The following RAPGEF4 variants were observed in gnomAD, a reference collection of about 807,000 sequenced individuals.
The protein encoded by RAPGEF4 is RAP guanine-nucleotide-exchange factor (GEF) 4.
RAPGEF4 carries 66 observed loss-of-function variants against 147.9 expected under a neutral mutation model. The ratio of observed to expected loss-of-function variants is 0.45; its 90% CI spans 0.37 to 0.55. The LOEUF (loss-of-function observed/expected upper bound fraction) is 0.55. Among genes scored for constraint, RAPGEF4 ranks in the 20% least tolerant of loss-of-function variants. RAPGEF4 has a pLI of 0.00. For missense variants in RAPGEF4, 1,071 were observed against 1,257.3 expected (o/e 0.85, Z 2.24); for synonymous variants, 419 against 442.7 (o/e 0.95, Z 0.67).
intron 1 of RAPGEF4, among the ~76,000 whole-genome samples, chr2:172,783,231 G>T (rs1397356941): frequency 6.6e-6 from 1 of 152,162 alleles, no homozygotes; most frequent in Non-Finnish European, 1.5e-5. Context: ...GACAGAGTGA[G>T]GACAGAGTGG....
chr2:172,854,125 T>C lies in RAPGEF4; in HGVS notation c.444+39700T>C, dbSNP rs188647076. 4.7e-3 allele frequency among the ~76,000 whole-genome samples: 713 copies of C among 152,196 alleles called. 4 individuals carry two copies. Among genetic ancestry groups the C allele is most frequent in the Non-Finnish European group, 7.7e-3 (525 of 67,936 alleles). ...ATTAGGTCAATGTAGTTGGTAGTGATGTTCAGGTCTTATATGTCCCCACTG... is the reference window on the plus strand; with the variant it reads ...ATTAGGTCAATGTAGTTGGTAGTGACGTTCAGGTCTTATATGTCCCCACTG... On this transcript the variant is annotated intron_variant, in intron 4 of 30. Coordinates refer to ENST00000397081, the MANE Select transcript of RAPGEF4 (RefSeq NM_007023.4).
Position 172,988,647 on chromosome 2 carries a change from C to T in RAPGEF4, c.1228-46C>T, listed in dbSNP as rs1187564774. On this transcript the variant is annotated intron_variant, in intron 13 of 30. Coordinates refer to ENST00000397081, the MANE Select transcript of RAPGEF4 (RefSeq NM_007023.4). The stretch of plus-strand genomic sequence containing the variant: ...TGTGGCAGGAGGTGGTGGGTGTTTG[C>T]TCTATTTCAGGGATCTTCTTCATCT... 20 of 1,565,372 alleles carry T rather than the reference C, an allele frequency of 1.3e-5. 1 individual carries two copies. In the Admixed American group the frequency reaches 3.2e-4, roughly 25 times the overall value.
intron 4 of RAPGEF4, among the ~76,000 whole-genome samples, chr2:172,845,114 G>C (rs1021570044): frequency 6.6e-6 from 1 of 152,182 alleles, no homozygotes; most frequent in Non-Finnish European, 1.5e-5. Flanking sequence ...AAGTGTCACT[G>C]ACTGTAGTGA....
chr2:172,909,168 C>A (rs1267145010), intron 4 of RAPGEF4, among the ~76,000 whole-genome samples: 3 of 152,132 alleles, frequency 2.0e-5, no homozygotes, highest in Non-Finnish European at 4.4e-5. Context: ...ACCCACCTCT[C>A]GGAAGGGCCT....
At chr2:172,836,765 T>C (rs575115482) in intron 4 of RAPGEF4, among the ~76,000 whole-genome samples, 1 of 152,352 alleles carries the variant, frequency 6.6e-6, no homozygotes, top group South Asian at 2.1e-4. Context: ...GTGGCTAGCA[T>C]CCTCAACACT....
At chr2:172,984,496 A>G (rs1287978133) in intron 11 of RAPGEF4, among the ~76,000 whole-genome samples, 2 of 152,182 alleles carry the variant, frequency 1.3e-5, no homozygotes, top group African/African-American at 2.4e-5. Flanking sequence ...TCCTTCACAT[A>G]TCTCCCACCT....
intron 4 of RAPGEF4, among the ~76,000 whole-genome samples, chr2:172,917,291 T>C (rs1461489838): frequency 2.6e-5 from 4 of 152,222 alleles, no homozygotes; most frequent in Admixed American, 6.5e-5. Flanking sequence ...AACAGGCAGG[T>C]GTACGATGTA....
At chr2:172,878,189 T>A (rs922918131) in intron 4 of RAPGEF4, among the ~76,000 whole-genome samples, 3 of 152,246 alleles carry the variant, frequency 2.0e-5, no homozygotes, top group Non-Finnish European at 4.4e-5. Context: ...GGGGAAGTGA[T>A]GCTGTGGTTA....
chr2:173,008,624 T>G (rs1575504937), intron 17 of RAPGEF4, among the ~76,000 whole-genome samples: 1 of 152,228 alleles, frequency 6.6e-6, no homozygotes, highest in Admixed American at 6.5e-5. Flanking sequence ...ATAATTAGCA[T>G]GTACTTACTG....
chr2:172,810,731 T>A (rs1320758016), intron 3 of RAPGEF4, among the ~76,000 whole-genome samples: 1 of 152,188 alleles, frequency 6.6e-6, no homozygotes, highest in Non-Finnish European at 1.5e-5. Context: ...CATACTGCCC[T>A]TACAGTGTGT....
intron 4 of RAPGEF4, among the ~76,000 whole-genome samples, chr2:172,895,465 C>A (rs902089666): frequency 6.6e-6 from 1 of 152,186 alleles, no homozygotes; most frequent in Non-Finnish European, 1.5e-5. Context: ...TACACTTTCC[C>A]TGAAATAAAC....
intron 4 of RAPGEF4, chr2:172,894,342 A>C (rs1418787488): frequency 6.6e-6 from 1 of 152,188 alleles, no homozygotes; most frequent in African/African-American, 2.4e-5. Context: ...GTATGCTCTC[A>C]ATAGTATACC....
rs1468248777 is a variant in RAPGEF4 at position 172,988,203 on chromosome 2, C to T, written c.1158C>T (p.Asn386=). ...TCATCTTTTTGTGTCTAGTGTTTAA[C>T]CAGGGGGAAGAAGGTACCTCCTGGT... is the stretch of plus-strand genomic sequence containing the variant. ...SHAKGGTVLF[N]QGEEGTSWYI... Residue 386 remains asparagine (N), a synonymous_variant, in exon 13 of 31, where the codon AAC becomes AAT. Transcript: ENST00000397081. 3.7e-6 allele frequency: 6 copies of T among 1,605,066 alleles called. No individual in the cohort carries two copies. The highest frequency in any genetic ancestry group is 4.5e-5 in the East Asian group (2 of 44,654).
chr2:172,966,106 G>T (rs1047942036), intron 9 of RAPGEF4, among the ~76,000 whole-genome samples: 2 of 152,140 alleles, frequency 1.3e-5, no homozygotes, highest in African/African-American at 4.8e-5. Flanking sequence ...TAATTGTGCC[G>T]CTGTCTGGGA....
intron 4 of RAPGEF4, among the ~76,000 whole-genome samples, chr2:172,909,795 T>C (rs924203278): frequency 1.3e-5 from 2 of 152,240 alleles, no homozygotes; most frequent in African/African-American, 4.8e-5. Flanking sequence ...TATGAACTGC[T>C]TCACAACCTA....
At chr2:172,866,118 G>T (rs1694612933) in intron 4 of RAPGEF4, among the ~76,000 whole-genome samples, 1 of 152,046 alleles carries the variant, frequency 6.6e-6, no homozygotes, top group Admixed American at 6.6e-5. Context: ...CAATTTAAAA[G>T]AGAACAAGAC....
intron 1 of RAPGEF4, 94 bp downstream of exon 1, chr2:172,736,142 C>T: frequency 9.6e-7 from 1 of 1,039,528 alleles, no homozygotes; most frequent in Non-Finnish European, 1.2e-6. Flanking sequence ...GCAGCGCGGC[C>T]GGGCTGCGGG....
At chr2:172,803,659 GA>G (rs1687196698) in intron 3 of RAPGEF4, among the ~76,000 whole-genome samples, 1 of 152,138 alleles carries the variant, frequency 6.6e-6, no homozygotes, top group Admixed American at 6.5e-5. Context: ...TAGCTGGCTT[GA>G]ATTTCTTCTC....
chr2:172,780,173 AC>A lies in RAPGEF4; in HGVS notation c.66-14851del, dbSNP rs544142526. ...AAAAGATTGATTAACAAGAAAAAAAACAAACAGAAGTTTATTAACATGTATT... is the reference window on the plus strand; with the variant it reads ...AAAAGATTGATTAACAAGAAAAAAAAAAACAGAAGTTTATTAACATGTATT... On this transcript the variant is annotated intron_variant, in intron 1 of 30. Coordinates refer to ENST00000397081, the MANE Select transcript of RAPGEF4 (RefSeq NM_007023.4). Among the ~76,000 whole-genome samples the A allele has an allele frequency of 1.2e-3, 188 of 152,314 alleles. 1 individual carries two copies. The highest frequency in any genetic ancestry group is 4.2e-3 in the African/African-American group (175 of 41,566).
Sources: gnomAD v4.1 joint callset for allele counts (sites outside exome capture counted in the v4.1 genomes callset) on GRCh38, gnomAD v4.1.1 for gene constraint, MANE v1.5 for transcripts, NCBI Gene and HGNC (gene_info 2026-07-23, HGNC 2026-07-21) for gene names.